EXTL3: variants seen among roughly 807,000 people sequenced by gnomAD.
EXTL3 encodes exostosin-like 3.
In EXTL3, 27 loss-of-function variants were observed where a neutral mutation model predicts 69.3. The ratio of observed to expected loss-of-function variants is 0.39; its 90% CI spans 0.29 to 0.54. The LOEUF (loss-of-function observed/expected upper bound fraction) is 0.54. Among genes scored for constraint, EXTL3 ranks in the 20% least tolerant of loss-of-function variants. The pLI is 0.69. For synonymous variants in EXTL3, 511 were observed against 499.4 expected (o/e 1.02, Z -0.31); for missense variants, 1,003 against 1,231.8 (o/e 0.81, Z 2.78).
rs1345465797 is a variant in EXTL3, at chr8:28,753,818, T to C, written c.*2952T>C. The C allele has an allele frequency of 3.3e-5, 5 of 152,188 alleles. No individual in the cohort carries two copies. Among genetic ancestry groups the C allele is most frequent in the Non-Finnish European group, 5.9e-5 (4 of 68,036 alleles). 9.4% of individuals were successfully genotyped at this position (152,188 alleles called of 1,614,324 possible). ...AGCTGGGCCTGCTCGCAGAAGACGA[T>C]GGGAGGCAGCCTGACCAGGCCCTGG... On this transcript the variant is annotated 3_prime_UTR_variant, in exon 7 of 7. Transcript: ENST00000220562.
At chr8:28,726,068 G>T (rs1185905249) in intron 3 of EXTL3, among the ~76,000 whole-genome samples, 1 of 151,116 alleles carries the variant, frequency 6.6e-6, no homozygotes, top group African/African-American at 2.4e-5. Flanking sequence ...CAATTCTCCT[G>T]CCTCAGCCTC....
intron 1 of EXTL3, among the ~76,000 whole-genome samples, chr8:28,657,630 T>C (rs1807032373): frequency 6.6e-6 from 1 of 152,062 alleles, no homozygotes; most frequent in Non-Finnish European, 1.5e-5. Flanking sequence ...TTTTAATGTA[T>C]ACATCTTTCA....
intron 1 of EXTL3, among the ~76,000 whole-genome samples, chr8:28,706,046 A>C (rs982729984): frequency 6.6e-6 from 1 of 152,222 alleles, no homozygotes; most frequent in African/African-American, 2.4e-5. Flanking sequence ...CATTGTGAAC[A>C]TGTTTTCATT....
Position 28,750,603 on chromosome 8 carries a change from G to A in EXTL3, c.2551-54G>A. 6.3e-6 allele frequency: 9 copies of A among 1,434,996 alleles called. No homozygotes were observed. In the South Asian group the frequency reaches 1.0e-4, roughly 16 times the overall value. The allele number at this position is 1,434,996 out of a possible 1,614,324, so 88.9% of individuals were successfully genotyped here. ...AGTGTGGGATCGGCTCAGCTGCAAG[G>A]GTTCTGTCAGTATTAGCTGGGATTC... is the stretch of plus-strand genomic sequence containing the variant. On this transcript the variant is annotated intron_variant, in intron 6 of 6. Transcript: ENST00000220562. The surrounding 1 kb of genome is among the most constrained non-coding windows in gnomAD (Gnocchi z 5.2).
At chr8:28,715,438 T>A (rs1801122961) in intron 2 of EXTL3, 147 bp from the exon 3 acceptor site, 1 of 153,068 alleles carries the variant, frequency 6.5e-6, no homozygotes, top group African/African-American at 2.4e-5. Flanking sequence ...ACAACATCTC[T>A]GCATTGTCAT....
At chr8:28,671,325 T>G (rs1416190431) in intron 1 of EXTL3, among the ~76,000 whole-genome samples, 6 of 147,992 alleles carry the variant, frequency 4.1e-5, no homozygotes, top group Non-Finnish European at 6.0e-5. Flanking sequence ...TTTTTTTTTT[T>G]TTTTGAGACC....
intron 1 of EXTL3, among the ~76,000 whole-genome samples, chr8:28,684,915 G>A (rs1376586432): frequency 2.5e-5 from 2 of 80,240 alleles, no homozygotes; most frequent in African/African-American, 9.5e-5. Context: ...TTTTAAAGTT[G>A]CACATATCAT....
intron 1 of EXTL3, among the ~76,000 whole-genome samples, chr8:28,671,695 C>A (rs1807297280): frequency 6.6e-6 from 1 of 152,174 alleles, no homozygotes; most frequent in African/African-American, 2.4e-5. Context: ...TAATCAAACT[C>A]ACCCCATGTT....
At chr8:28,625,580 CAT>C (rs1214549097) in intron 1 of EXTL3, among the ~76,000 whole-genome samples, 1 of 152,124 alleles carries the variant, frequency 6.6e-6, no homozygotes, top group African/African-American at 2.4e-5. Flanking sequence ...ATAATAAAAA[CAT>C]CACTCTATTC....
At chr8:28,710,291 G>A in intron 1 of EXTL3, 3 of 332,570 alleles carry the variant, frequency 9.0e-6, no homozygotes, top group Non-Finnish European at 1.8e-5. Flanking sequence ...AGGGGGCTAA[G>A]CGAAGCTCAT....
At chr8:28,683,671 G>A (rs375704061) in intron 1 of EXTL3, among the ~76,000 whole-genome samples, 8 of 151,984 alleles carry the variant, frequency 5.3e-5, no homozygotes, top group Non-Finnish European at 1.0e-4. Flanking sequence ...AAAATTAGGC[G>A]TAGTGGCACG....
chr8:28,700,752 G>T (rs1800768492), upstream of EXTL3: 2 of 152,222 alleles, frequency 1.3e-5, no homozygotes, highest in African/African-American at 4.8e-5. Flanking sequence ...AGTTAAGCAG[G>T]TGACCAGGTA....
At chr8:28,633,770 A>G (rs1446061872) in intron 1 of EXTL3, among the ~76,000 whole-genome samples, 1 of 152,210 alleles carries the variant, frequency 6.6e-6, no homozygotes, top group Admixed American at 6.6e-5. Flanking sequence ...ATCTAAAGCC[A>G]TCAGCACTGC....
intron 5 of EXTL3, among the ~76,000 whole-genome samples, chr8:28,737,921 T>G (rs1416008870): frequency 6.6e-6 from 1 of 151,104 alleles, no homozygotes; most frequent in East Asian, 1.9e-4. Flanking sequence ...GGGCGTTGGC[T>G]CTCCGTTTGT....
intron 1 of EXTL3, among the ~76,000 whole-genome samples, chr8:28,670,920 T>C (rs1431952636): frequency 6.6e-6 from 1 of 152,064 alleles, no homozygotes; most frequent in Non-Finnish European, 1.5e-5. Context: ...AAGGAGAGAA[T>C]AGAATGAGAG....
intron 2 of EXTL3, among the ~76,000 whole-genome samples, chr8:28,610,749 T>C (rs912696412): frequency 4.0e-5 from 6 of 150,118 alleles, no homozygotes; most frequent in Non-Finnish European, 8.9e-5. Context: ...TGTTTCTTTT[T>C]TTTTTTTTTT....
chr8:28,719,926 G>C (rs1801260300), intron 3 of EXTL3, among the ~76,000 whole-genome samples: 1 of 152,172 alleles, frequency 6.6e-6, no homozygotes, highest in African/African-American at 2.4e-5. Flanking sequence ...GAAATAAGTA[G>C]TCCTGACTAT....
At chr8:28,624,233 C>T (rs1367815658) in intron 1 of EXTL3, among the ~76,000 whole-genome samples, 4 of 152,190 alleles carry the variant, frequency 2.6e-5, no homozygotes, top group Non-Finnish European at 4.4e-5. Context: ...TTGCCTATTA[C>T]ATACAATATT....
At position 28,716,421 on chromosome 8, in the gene EXTL3, T is replaced by C. The variant is rs1206263993; in HGVS notation, c.362T>C (p.Ile121Thr). 6 of 1,613,684 alleles carry C rather than the reference T, an allele frequency of 3.7e-6. No homozygotes were observed. The highest frequency in any genetic ancestry group is 1.7e-5 in the Admixed American group (1 of 59,984). The stretch of plus-strand genomic sequence containing the variant: ...AAGATCGAAGCCTGTAAGAAGAGCA[T>C]TGAGAACGCCAAGCAGGACCTGCTC... ...NLKIEACKKS[I>T]ENAKQDLLQL... Residue 121 changes from isoleucine to threonine, a missense_variant, in exon 3 of 7, where the codon ATT becomes ACT. Ile to Thr is a moderately conservative substitution (Grantham distance 89). This residue lies in a region of EXTL3 where 742 missense variants were observed against 815.4 expected (regional missense o/e 0.91). Transcript: ENST00000220562. The surrounding 1 kb of genome is among the most constrained non-coding windows in gnomAD (Gnocchi z 7.1).
Sources: allele counts gnomAD v4.1 joint callset (sites outside exome capture counted in the v4.1 genomes callset), GRCh38; gene constraint gnomAD v4.1.1; regional missense constraint gnomAD v4.1.1; non-coding constraint Gnocchi (gnomAD v3.1); transcripts MANE v1.5; gene names NCBI Gene and HGNC (gene_info 2026-07-23, HGNC 2026-07-21).